The following WDFY2 variants were observed in gnomAD, a reference collection of about 807,000 sequenced individuals.
WDFY2 encodes the protein WD repeat and FYVE domain-containing protein 2.
A neutral mutation model predicts 56.4 loss-of-function variants in WDFY2; 36 were observed. That is an observed-to-expected ratio of 0.64 (90% confidence interval 0.49 to 0.84). The LOEUF (loss-of-function observed/expected upper bound fraction) is 0.84, where lower values mean the gene tolerates loss of function less well. Among genes scored for constraint, WDFY2 ranks in the 40% least tolerant of loss-of-function variants. The probability of loss-of-function intolerance (pLI) is 0.00; values close to 1 mark genes in which losing one functional copy is unlikely to be tolerated. For missense variants in WDFY2, 444 were observed against 512.2 expected (o/e 0.87, Z 1.29); for synonymous variants, 176 against 183.7 (o/e 0.96, Z 0.34).
chr13:51,723,610 T>A (rs561161670), intron 5 of WDFY2, among the ~76,000 whole-genome samples: 1 of 152,324 alleles, frequency 6.6e-6, no homozygotes, highest in Non-Finnish European at 1.5e-5. Context: ...GCCCCTATAA[T>A]CTTGATTTCA....
chr13:51,676,055 A>G (rs1955882373), intron 3 of WDFY2, among the ~76,000 whole-genome samples: 1 of 152,128 alleles, frequency 6.6e-6, no homozygotes, highest in African/African-American at 2.4e-5. Context: ...AGGGTGGAGG[A>G]TCTGAGGGCT....
At chr13:51,725,358 T>C (rs1952581167) in intron 5 of WDFY2, among the ~76,000 whole-genome samples, 1 of 152,154 alleles carries the variant, frequency 6.6e-6, no homozygotes, top group South Asian at 2.1e-4. Flanking sequence ...ATAGTTCCCA[T>C]TTGGAATCCT....
chr13:51,666,508 A>T (rs1955703438), intron 2 of WDFY2, among the ~76,000 whole-genome samples: 1 of 152,154 alleles, frequency 6.6e-6, no homozygotes, highest in South Asian at 2.1e-4. Flanking sequence ...CTGAGCAGGG[A>T]GGTGGAGAAG....
intron 1 of WDFY2, among the ~76,000 whole-genome samples, chr13:51,645,071 A>G (rs912827623): frequency 2.6e-5 from 4 of 152,182 alleles, no homozygotes; most frequent in African/African-American, 9.7e-5. Context: ...AGAGAAATCA[A>G]CTTTTAAAAA....
intron 4 of WDFY2, 128 bp from the exon 5 acceptor site, chr13:51,719,070 C>A: frequency 7.5e-7 from 1 of 1,326,786 alleles, no homozygotes. Flanking sequence ...CTACCTTGTC[C>A]TTAAAATGGT....
At chr13:51,642,676 CTTTTTTTTTTTT>C (rs999605077) in intron 1 of WDFY2, among the ~76,000 whole-genome samples, 1,525 of 103,096 alleles carry the variant, frequency 0.015, 46 homozygotes, top group African/African-American at 0.052. Context: ...GGGCATCTGT[CTTTTTTTTTTTT>C]TTTTTTTTTT....
intron 1 of WDFY2, among the ~76,000 whole-genome samples, chr13:51,612,187 T>C (rs1954516322): frequency 6.6e-6 from 1 of 152,148 alleles, no homozygotes; most frequent in Admixed American, 6.5e-5. Flanking sequence ...CTTGTGAAGC[T>C]AGGAGAATTA....
At chr13:51,711,049 C>T (rs1952202445) in intron 4 of WDFY2, among the ~76,000 whole-genome samples, 1 of 152,166 alleles carries the variant, frequency 6.6e-6, no homozygotes, top group Non-Finnish European at 1.5e-5. Context: ...TACTACAAGG[C>T]TACAGTAACC....
At chr13:51,695,911 G>A (rs985355169) in intron 3 of WDFY2, among the ~76,000 whole-genome samples, 5 of 152,212 alleles carry the variant, frequency 3.3e-5, no homozygotes, top group South Asian at 2.1e-4. Context: ...CCTTGCTGCC[G>A]CCTTGCAGTT....
chr13:51,648,889 G>A (rs1344872220), intron 1 of WDFY2, among the ~76,000 whole-genome samples: 1 of 152,216 alleles, frequency 6.6e-6, no homozygotes, highest in Non-Finnish European at 1.5e-5. Flanking sequence ...GCTCACGCCT[G>A]TAATCTCAGC....
At chr13:51,700,452 AT>A (rs961257985) in intron 3 of WDFY2, among the ~76,000 whole-genome samples, 3 of 152,218 alleles carry the variant, frequency 2.0e-5, no homozygotes, top group African/African-American at 7.2e-5. Context: ...AAACCTTTAC[AT>A]TTTAATTGTT....
chr13:51,603,764 A>G (rs188253895), intron 1 of WDFY2, among the ~76,000 whole-genome samples: 2 of 152,194 alleles, frequency 1.3e-5, no homozygotes, highest in East Asian at 1.9e-4. Context: ...TTCCTTCTTC[A>G]TAGGATTTTG....
At chr13:51,756,059 T>C (rs1429701727) in intron 9 of WDFY2, among the ~76,000 whole-genome samples, 2 of 152,146 alleles carry the variant, frequency 1.3e-5, no homozygotes, top group Non-Finnish European at 2.9e-5. Flanking sequence ...CCTCTGTAGT[T>C]CCTAGTATGA....
chr13:51,678,658 CAA>C (rs1156348449), intron 3 of WDFY2, among the ~76,000 whole-genome samples: 1 of 152,122 alleles, frequency 6.6e-6, no homozygotes, highest in Non-Finnish European at 1.5e-5. Context: ...AGCCAACTAA[CAA>C]ATATTTAAAT....
At chr13:51,654,677 A>G (rs939541641) in intron 1 of WDFY2, among the ~76,000 whole-genome samples, 4 of 152,250 alleles carry the variant, frequency 2.6e-5, no homozygotes, top group Non-Finnish European at 5.9e-5. Context: ...AACAATTTTC[A>G]GAAAAATTAA....
intron 1 of WDFY2, among the ~76,000 whole-genome samples, chr13:51,617,677 A>G (rs1180364156): frequency 6.6e-6 from 1 of 152,206 alleles, no homozygotes; most frequent in Non-Finnish European, 1.5e-5. Flanking sequence ...TGTAAGACAA[A>G]CAAACCTTTC....
At position 51,655,138 on chromosome 13, in the gene WDFY2, G is replaced by A. The variant is rs139607661; in HGVS notation, c.138-5458G>A. Among the ~76,000 whole-genome samples, 610 of 151,828 alleles carry A rather than the reference G, an allele frequency of 4.0e-3. 3 individuals are homozygous for A. The highest frequency in any genetic ancestry group is 6.0e-3 in the Non-Finnish European group (408 of 67,924). Reference sequence around the variant, plus strand: ...TAGGATTTTCTATAAGTAGAATTATGTCATCTTCCAATAGAAATAGTTTTA... The same window carrying A: ...TAGGATTTTCTATAAGTAGAATTATATCATCTTCCAATAGAAATAGTTTTA... On this transcript the variant is annotated intron_variant, in intron 1 of 11. Transcript: ENST00000298125.
intron 1 of WDFY2, among the ~76,000 whole-genome samples, chr13:51,620,982 C>G (rs929382153): frequency 2.6e-5 from 4 of 152,146 alleles, no homozygotes; most frequent in Non-Finnish European, 5.9e-5. Flanking sequence ...TGCCCTTACA[C>G]ACAATATATA....
rs140912157 is a variant in WDFY2 at position 51,756,359 on chromosome 13, G to A, written c.961G>A (p.Val321Ile). 164 of 1,613,750 alleles carry A rather than the reference G, an allele frequency of 1.0e-4. 1 individual carries two copies. Among genetic ancestry groups the A allele is most frequent in the South Asian group, 1.3e-4 (12 of 91,058 alleles). Residue 321 changes from valine (V) to isoleucine (I), a missense_variant, in exon 10 of 12, where the codon GTC becomes ATC. Val to Ile is a conservative substitution (Grantham distance 29). Coordinates refer to ENST00000298125, the MANE Select transcript of WDFY2 (RefSeq NM_052950.4). ...CCACTGCCGCAAGTGTGGGAAGGCCGTCTGTGGCAAGTGCAGCTCCAAGCG... is the reference window on the plus strand; with the variant it reads ...CCACTGCCGCAAGTGTGGGAAGGCCATCTGTGGCAAGTGCAGCTCCAAGCG... ...QHHCRKCGKAVCGKCSSKRSS... is the reference protein window; with the variant it reads ...QHHCRKCGKAICGKCSSKRSS...
Sources: allele counts gnomAD v4.1 joint callset (sites outside exome capture counted in the v4.1 genomes callset), GRCh38; gene constraint gnomAD v4.1.1; transcripts MANE v1.5; gene names NCBI Gene and HGNC (gene_info 2026-07-23, HGNC 2026-07-21).